AGMO: variants seen among roughly 807,000 people sequenced by gnomAD.
The protein encoded by AGMO is glyceryl-ether monooxygenase.
A neutral mutation model predicts 60.2 loss-of-function variants in AGMO; 75 were observed. The ratio of observed to expected loss-of-function variants is 1.25; its 90% CI spans 1.03 to 1.51. The LOEUF (loss-of-function observed/expected upper bound fraction) is 1.51, where lower values mean the gene tolerates loss of function less well. AGMO is among the 40% of genes most tolerant of loss of function. The pLI, the probability that AGMO is intolerant of heterozygous loss-of-function variation, is 0.00. For missense variants in AGMO, 763 were observed against 525.5 expected, an observed-to-expected ratio of 1.45 and a Z score of -4.42; for synonymous variants, 261 against 177.1, an observed-to-expected ratio of 1.47 and a Z score of -3.76.
intron 3 of AGMO, among the ~76,000 whole-genome samples, chr7:15,449,773 C>T (rs1781809945): frequency 6.6e-6 from 1 of 152,156 alleles, no homozygotes; most frequent in Non-Finnish European, 1.5e-5. Flanking sequence ...AAAAGTACTA[C>T]TTATTTTTTT....
intron 12 of AGMO, among the ~76,000 whole-genome samples, chr7:15,254,504 T>C (rs187625668): frequency 8.7e-4 from 133 of 152,296 alleles, no homozygotes; most frequent in Non-Finnish European, 1.7e-3. Flanking sequence ...TCAGTATTTT[T>C]TCATACACCT....
intron 3 of AGMO, among the ~76,000 whole-genome samples, chr7:15,500,868 A>G (rs550642675): frequency 6.6e-6 from 1 of 152,036 alleles, no homozygotes; most frequent in African/African-American, 2.4e-5. Flanking sequence ...GCTGCGTCTC[A>G]GAGATTCTGG....
chr7:15,263,162 A>G (rs1318286799), intron 12 of AGMO, among the ~76,000 whole-genome samples: 1 of 152,116 alleles, frequency 6.6e-6, no homozygotes, highest in Non-Finnish European at 1.5e-5. Context: ...TTGGGAGAAA[A>G]TCTTCACAAT....
At chr7:15,301,441 G>GA (rs139421944) in intron 12 of AGMO, among the ~76,000 whole-genome samples, 10,137 of 146,182 alleles carry the variant, frequency 0.069, 471 homozygotes, top group African/African-American at 0.12. Flanking sequence ...TCAGTCTCAG[G>GA]AAAAAAAAAA....
At chr7:15,529,091 C>G (rs1314067897) in intron 3 of AGMO, among the ~76,000 whole-genome samples, 2 of 152,046 alleles carry the variant, frequency 1.3e-5, no homozygotes, top group East Asian at 1.9e-4. Flanking sequence ...ACGTTCAAAA[C>G]AGACATTCTC....
intron 10 of AGMO, among the ~76,000 whole-genome samples, chr7:15,367,690 G>A (rs1182232700): frequency 6.6e-6 from 1 of 152,172 alleles, no homozygotes; most frequent in South Asian, 2.1e-4. Flanking sequence ...GATTAAAAGT[G>A]GATCAGTAAA....
At chr7:15,418,906 G>A (rs2128494396) in intron 4 of AGMO, among the ~76,000 whole-genome samples, 1 of 151,806 alleles carries the variant, frequency 6.6e-6, no homozygotes, top group South Asian at 2.1e-4. Flanking sequence ...TATGTTGTGT[G>A]TTATTTCCTT....
At chr7:15,240,467 C>A (rs1028816233) in intron 12 of AGMO, among the ~76,000 whole-genome samples, 15 of 152,062 alleles carry the variant, frequency 9.9e-5, no homozygotes, top group Non-Finnish European at 2.2e-4. Flanking sequence ...AAAAATGTTC[C>A]TTCTATCATT....
intron 3 of AGMO, among the ~76,000 whole-genome samples, chr7:15,497,571 G>C (rs1783265892): frequency 1.3e-5 from 2 of 151,960 alleles, no homozygotes; most frequent in South Asian, 4.1e-4. Flanking sequence ...ATACCTCCTT[G>C]CTTAACAATT....
At chr7:15,134,662 C>A in the AGMO span, among the ~76,000 whole-genome samples, 1 of 152,122 alleles carries the variant, frequency 6.6e-6, no homozygotes, top group Non-Finnish European at 1.5e-5. Context: ...TGTAGTATCC[C>A]ATGGTTATAT....
chr7:15,231,608 T>G (rs941400190), intron 12 of AGMO, among the ~76,000 whole-genome samples: 1 of 152,250 alleles, frequency 6.6e-6, no homozygotes, highest in Admixed American at 6.5e-5. Context: ...TGAATGATCA[T>G]AATCAATTGA....
the AGMO span, among the ~76,000 whole-genome samples, chr7:15,147,303 G>C: frequency 6.6e-6 from 1 of 152,072 alleles, no homozygotes; most frequent in African/African-American, 2.4e-5. Flanking sequence ...AAAGGAAAGA[G>C]GTTTAATGGA....
rs71549925 is a variant in AGMO, at chr7:15,248,179, C to CATATATATAT, written c.1264-46830_1264-46821dup. Among the ~76,000 whole-genome samples, 200 of 32,616 alleles carry CATATATATAT rather than the reference C, an allele frequency of 6.1e-3. 11 individuals carry two copies. Among genetic ancestry groups the CATATATATAT allele is most frequent in the Non-Finnish European group, 0.01 (104 of 10,124 alleles). 21.4% of individuals were successfully genotyped at this position (32,616 alleles called of 152,430 possible). On this transcript the variant is annotated intron_variant, in intron 12 of 12. Transcript: ENST00000342526. ...TGTCACAAAATCTGTGATCCAGCAC[C>CATATATATAT]ATATATATATATATATATATATATA... is the stretch of plus-strand genomic sequence containing the variant.
chr7:15,554,243 A>T lies in AGMO; in HGVS notation c.257+5898T>A, dbSNP rs1245470027. ...TTCCACCCTGCAATCTCAGCACATG[A>T]CTCTGCACCCTGGAATTTAAACTGT... On this transcript the variant is annotated intron_variant, in intron 2 of 12. Coordinates refer to ENST00000342526, the MANE Select transcript of AGMO (RefSeq NM_001004320.2). 4.6e-5 allele frequency among the ~76,000 whole-genome samples: 7 copies of T among 151,900 alleles called. No homozygotes were observed. The East Asian group carries it at 1.4e-3, about 29-fold the overall frequency.
chr7:15,497,155 A>G (rs1172807316), intron 3 of AGMO, among the ~76,000 whole-genome samples: 1 of 152,188 alleles, frequency 6.6e-6, no homozygotes, highest in Non-Finnish European at 1.5e-5. Context: ...TTGAGCAGTG[A>G]GTAATTTTTG....
chr7:15,301,372 G>C (rs1408870123), intron 12 of AGMO, among the ~76,000 whole-genome samples: 1 of 152,052 alleles, frequency 6.6e-6, no homozygotes, highest in Non-Finnish European at 1.5e-5. Context: ...CCAGAAAGCA[G>C]AGGTTGCAGT....
chr7:15,433,243 G>A (rs932836657), intron 3 of AGMO, among the ~76,000 whole-genome samples: 2 of 152,052 alleles, frequency 1.3e-5, no homozygotes, highest in African/African-American at 4.8e-5. Context: ...ACCCTCTACA[G>A]AAGCTAAACG....
chr7:15,246,183 C>A (rs1563052799), intron 12 of AGMO, among the ~76,000 whole-genome samples: 1 of 151,962 alleles, frequency 6.6e-6, no homozygotes, highest in African/African-American at 2.4e-5. Context: ...CACATTCCAG[C>A]GTTAGCTCTC....
intron 2 of AGMO, among the ~76,000 whole-genome samples, chr7:15,556,602 T>C (rs1045261521): frequency 7.2e-5 from 11 of 151,996 alleles, no homozygotes; most frequent in Admixed American, 3.3e-4. Context: ...AGTTTTCTAA[T>C]GAAGGATTGG....
Sources: gnomAD v4.1 joint callset for allele counts (sites outside exome capture counted in the v4.1 genomes callset) on GRCh38, gnomAD v4.1.1 for gene constraint, MANE v1.5 for transcripts, NCBI Gene and HGNC (gene_info 2026-07-23, HGNC 2026-07-21) for gene names.